The following ATE1 variants were observed in gnomAD, a reference collection of about 807,000 sequenced individuals.
ATE1 encodes arginyltransferase 1.
Under a neutral mutation model 70.5 loss-of-function variants are expected in ATE1, and 36 were observed. That is an observed-to-expected ratio of 0.51 (90% CI 0.39 to 0.67). The LOEUF (loss-of-function observed/expected upper bound fraction) is 0.67. ATE1 is among the 30% of genes least tolerant of loss of function. ATE1 has a pLI of 0.00. For synonymous variants in ATE1, 232 were observed against 219.3 expected (o/e 1.06, Z -0.51); for missense variants, 593 against 629.5 (o/e 0.94, Z 0.62).
At chr10:121,817,355 C>T (rs529133583) in intron 10 of ATE1, among the ~76,000 whole-genome samples, 28 of 152,222 alleles carry the variant, frequency 1.8e-4, no homozygotes, top group Admixed American at 1.5e-3. Context: ...GGTGAAACCC[C>T]GTCTCTACTA....
intron 10 of ATE1, among the ~76,000 whole-genome samples, chr10:121,796,682 C>T (rs1440112836): frequency 3.3e-5 from 5 of 152,108 alleles, no homozygotes. Context: ...ATTAATTTTA[C>T]TAGGTTGTCA....
intron 8 of ATE1, among the ~76,000 whole-genome samples, chr10:121,842,139 T>C (rs1464674450): frequency 6.6e-6 from 1 of 152,166 alleles, no homozygotes; most frequent in Admixed American, 6.6e-5. Flanking sequence ...CTTCTCCTTA[T>C]TAGTCAAAGG....
chr10:121,825,085 T>G (rs1947954022), intron 10 of ATE1, among the ~76,000 whole-genome samples: 1 of 151,760 alleles, frequency 6.6e-6, no homozygotes, highest in Non-Finnish European at 1.5e-5. Flanking sequence ...ATGGATTAAT[T>G]TTAAAAGAAA....
At chr10:121,787,142 C>T (rs141370319) in intron 11 of ATE1, among the ~76,000 whole-genome samples, 52 of 152,270 alleles carry the variant, frequency 3.4e-4, no homozygotes, top group African/African-American at 1.1e-3. Flanking sequence ...TGGCCAGTGA[C>T]ACACCTTGAA....
upstream of ATE1, chr10:121,928,450 CTCGG>C: frequency 6.6e-7 from 1 of 1,514,860 alleles, no homozygotes; most frequent in Non-Finnish European, 8.8e-7. Flanking sequence ...CGAGGGTCCG[CTCGG>C]GCCGACCACG....
intron 8 of ATE1, among the ~76,000 whole-genome samples, chr10:121,859,920 G>A (rs191240764): frequency 6.0e-4 from 92 of 152,278 alleles, no homozygotes; most frequent in African/African-American, 2.0e-3. Flanking sequence ...CAGACTGGGC[G>A]ACACAGTGAG....
At chr10:121,915,816 G>A (rs373505570) in intron 3 of ATE1, among the ~76,000 whole-genome samples, 25 of 143,096 alleles carry the variant, frequency 1.7e-4, no homozygotes, top group Middle Eastern at 4.0e-3. Context: ...GCATGAACCT[G>A]GGAGGCAGAG....
intron 11 of ATE1, among the ~76,000 whole-genome samples, chr10:121,747,806 T>C (rs996376568): frequency 6.6e-6 from 1 of 152,264 alleles, no homozygotes; most frequent in Non-Finnish European, 1.5e-5. Context: ...GAAACAATTA[T>C]ATGTTTAACA....
intron 11 of ATE1, among the ~76,000 whole-genome samples, chr10:121,752,905 C>T (rs1223817966): frequency 6.6e-6 from 1 of 152,216 alleles, no homozygotes; most frequent in Non-Finnish European, 1.5e-5. Context: ...TAATAGATCA[C>T]TGCTCTGAAT....
chr10:121,911,804 G>T (rs7074998), intron 4 of ATE1, among the ~76,000 whole-genome samples: 10,503 of 137,398 alleles, frequency 0.076, no homozygotes, highest in Middle Eastern at 0.12. Context: ...TGCAGTGCAG[G>T]GGCGCGACCT....
chr10:121,744,760 A>C (rs1006737819), intron 11 of ATE1, among the ~76,000 whole-genome samples: 1 of 152,164 alleles, frequency 6.6e-6, no homozygotes, highest in African/African-American at 2.4e-5. Context: ...TTCAGGGTAC[A>C]CAGGTCACCC....
At chr10:121,909,608 A>G (rs1396397824) in intron 5 of ATE1, among the ~76,000 whole-genome samples, 1 of 152,202 alleles carries the variant, frequency 6.6e-6, no homozygotes, top group East Asian at 1.9e-4. Context: ...AGTCGATTAT[A>G]CTATTCAATC....
intron 2 of ATE1, among the ~76,000 whole-genome samples, chr10:121,922,737 A>C (rs1364442455): frequency 3.3e-5 from 5 of 152,156 alleles, no homozygotes; most frequent in Admixed American, 2.6e-4. Flanking sequence ...AATGCCCACG[A>C]TGCTGTGGGA....
intron 8 of ATE1, among the ~76,000 whole-genome samples, chr10:121,849,927 ATGTT>A (rs1323573790): frequency 6.6e-6 from 1 of 152,108 alleles, no homozygotes; most frequent in Admixed American, 6.5e-5. Flanking sequence ...AACATGTCTG[ATGTT>A]TGTTTATGAA....
intron 10 of ATE1, among the ~76,000 whole-genome samples, chr10:121,818,473 A>G (rs767016949): frequency 9.9e-5 from 15 of 152,190 alleles, no homozygotes; most frequent in Admixed American, 6.5e-5. Flanking sequence ...AAAGCAATTT[A>G]GAGCAACGAG....
intron 7 of ATE1, among the ~76,000 whole-genome samples, chr10:121,877,274 C>T (rs1486577578): frequency 1.3e-5 from 2 of 152,054 alleles, no homozygotes. Context: ...AATAATTTTA[C>T]AAGTATGTTT....
At chr10:121,898,693 T>C in intron 7 of ATE1, 1 of 871,874 alleles carries the variant, frequency 1.1e-6, no homozygotes. Context: ...GGATTTAAAA[T>C]GCTCACATGT....
chr10:121,742,017 G>A lies in ATE1; in HGVS notation c.*1663C>T, dbSNP rs1341750310. ...GAAAAAAGGCTCTATAGATTCTGAAGGCAGTTCCAAGTAAGTCTCTCAAAT... is the reference window on the plus strand; with the variant it reads ...GAAAAAAGGCTCTATAGATTCTGAAAGCAGTTCCAAGTAAGTCTCTCAAAT... On this transcript the variant is annotated 3_prime_UTR_variant, in exon 12 of 12. Transcript: ENST00000224652. 1.3e-5 allele frequency: 2 copies of A among 152,062 alleles called. No individual in the cohort carries two copies. Among genetic ancestry groups the A allele is most frequent in the Admixed American group, 6.5e-5 (1 of 15,280 alleles). The allele number at this position is 152,062 out of a possible 1,614,324, so 9.4% of individuals were successfully genotyped here. A position where few individuals can be genotyped will look rare whatever the true frequency, so the allele number is the denominator to read the frequency against.
At chr10:121,786,472 A>G (rs1234402995) in intron 11 of ATE1, among the ~76,000 whole-genome samples, 2 of 152,030 alleles carry the variant, frequency 1.3e-5, no homozygotes, top group Non-Finnish European at 2.9e-5. Flanking sequence ...AGTTCAAGAC[A>G]AGCCTACGCA....
Sources: allele counts gnomAD v4.1 joint callset (sites outside exome capture counted in the v4.1 genomes callset), GRCh38; gene constraint gnomAD v4.1.1; transcripts MANE v1.5; gene names NCBI Gene and HGNC (gene_info 2026-07-23, HGNC 2026-07-21).